KLF7: variants seen among roughly 807,000 people sequenced by gnomAD.
The protein encoded by KLF7 is KLF transcription factor 7.
KLF7 carries 2 observed loss-of-function variants against 27.3 expected under a neutral mutation model. That is an observed-to-expected ratio of 0.07 (90% CI 0.03 to 0.23). The LOEUF (loss-of-function observed/expected upper bound fraction) is 0.23. KLF7 is among the 10% of genes least tolerant of loss of function. KLF7 has a pLI of 1.00. For synonymous variants in KLF7, 165 were observed against 162.4 expected, an observed-to-expected ratio of 1.02 and a Z score of -0.12; for missense variants, 221 against 394.1, an observed-to-expected ratio of 0.56 and a Z score of 3.72.
At chr2:207,095,198 C>T (rs2076600482) in intron 2 of KLF7, among the ~76,000 whole-genome samples, 1 of 151,934 alleles carries the variant, frequency 6.6e-6, no homozygotes, top group Non-Finnish European at 1.5e-5. Flanking sequence ...CAGGCTCCAG[C>T]CACCACGTCC....
chr2:207,159,751 A>C (rs1277652249), intron 1 of KLF7, among the ~76,000 whole-genome samples: 1 of 152,208 alleles, frequency 6.6e-6, no homozygotes, highest in Non-Finnish European at 1.5e-5. Flanking sequence ...CTAGACTCAG[A>C]TCTCAAGGCT....
chr2:207,100,744 T>TC (rs1249999153), intron 2 of KLF7, among the ~76,000 whole-genome samples: 4 of 152,340 alleles, frequency 2.6e-5, no homozygotes, highest in African/African-American at 9.6e-5. Context: ...TGGCCAGTTA[T>TC]TTACTATTTC....
rs1232482014 is a variant in KLF7 at position 207,124,317 on chromosome 2, C to T, written c.190G>A (p.Ala64Thr). ...FGEDLDCFLHASPPPCIEESF... is the reference protein window; with the variant it reads ...FGEDLDCFLHTSPPPCIEESF... ...TCCTCAATGCACGGGGGAGGGGAAG[C>T]GTGGAGGAAACAGTCCAAGTCCTCA... The change falls in exon 2 of 4, where the codon GCT (alanine) becomes ACT (threonine). Residue 64 changes from alanine to threonine, a missense_variant. Physicochemically the swap from Ala to Thr is moderately conservative, Grantham distance 58. Transcript: ENST00000309446. The T allele has an allele frequency of 1.1e-5, 17 of 1,612,442 alleles. No individual in the cohort carries two copies. Among genetic ancestry groups the T allele is most frequent in the Non-Finnish European group, 1.4e-5 (16 of 1,178,844 alleles).
chr2:207,134,153 GA>G, intron 1 of KLF7: 2 of 1,297,534 alleles, frequency 1.5e-6, no homozygotes, highest in Non-Finnish European at 2.0e-6. Context: ...GGGCTACTGG[GA>G]TTTTTTTTTT....
In KLF7 at chr2:207,134,269, AAC is replaced by A. The variant is rs1401740000; in HGVS notation, c.103-9867_103-9866del. 8 of 648,152 alleles carry A rather than the reference AAC, an allele frequency of 1.2e-5. No individual in the cohort carries two copies. In the Admixed American group the frequency reaches 1.6e-4, roughly 13 times the overall value. The allele number at this position is 648,152 out of a possible 1,614,324, so 40.2% of individuals were successfully genotyped here. ...ATACCCTTCCCCTACCCCCATAAAA[AAC>A]ACACAGACACATACGATTACTTCTT... On this transcript the variant is annotated intron_variant, in intron 1 of 3. Transcript: ENST00000309446.
intron 1 of KLF7, among the ~76,000 whole-genome samples, chr2:207,136,249 T>A (rs536534262): frequency 6.6e-6 from 1 of 152,312 alleles, no homozygotes; most frequent in South Asian, 2.1e-4. Flanking sequence ...AATCCTTCAG[T>A]GGCCTGTTGT....
At chr2:207,118,256 T>C (rs189107442) in intron 2 of KLF7, among the ~76,000 whole-genome samples, 174 of 152,302 alleles carry the variant, frequency 1.1e-3, no homozygotes, top group Non-Finnish European at 1.9e-3. Context: ...CATGTCTCTC[T>C]TTAACACTAA....
intron 2 of KLF7, 142 bp from the exon 3 acceptor site, chr2:207,088,723 AC>A: frequency 1.2e-6 from 1 of 847,882 alleles, no homozygotes; most frequent in Non-Finnish European, 1.7e-6. Context: ...AACATAGTAT[AC>A]CACTGTCTTT....
intron 2 of KLF7, among the ~76,000 whole-genome samples, chr2:207,095,338 A>ACGCC (rs1210030293): frequency 6.6e-6 from 1 of 151,886 alleles, no homozygotes; most frequent in Non-Finnish European, 1.5e-5. Flanking sequence ...GTGAGCCACC[A>ACGCC]CGCCCGGCCT....
chr2:207,089,772 C>A (rs557820717), intron 2 of KLF7, among the ~76,000 whole-genome samples: 1 of 152,124 alleles, frequency 6.6e-6, no homozygotes, highest in Non-Finnish European at 1.5e-5. Context: ...TAAATCAATA[C>A]ACATGCATAT....
upstream of KLF7, among the ~76,000 whole-genome samples, chr2:207,168,701 T>G (rs2078763419): frequency 6.6e-6 from 1 of 152,350 alleles, no homozygotes; most frequent in South Asian, 2.1e-4. Context: ...CTCATTATGG[T>G]CTTTGCTCCA....
At chr2:207,140,648 G>A (rs781332754) in intron 1 of KLF7, among the ~76,000 whole-genome samples, 1 of 152,182 alleles carries the variant, frequency 6.6e-6, no homozygotes, top group Non-Finnish European at 1.5e-5. Context: ...CAAACTCTGG[G>A]AAGCAGATCA....
Position 207,104,471 on chromosome 2 carries a change from T to C in KLF7, c.734-15890A>G, listed in dbSNP as rs777943493. Among the ~76,000 whole-genome samples, 38 of 152,354 alleles carry C rather than the reference T, an allele frequency of 2.5e-4. 1 individual carries two copies. The highest frequency in any genetic ancestry group is 4.4e-5 in the Non-Finnish European group (3 of 68,030). On this transcript the variant is annotated intron_variant, in intron 2 of 3. Coordinates refer to ENST00000309446, the MANE Select transcript of KLF7 (RefSeq NM_003709.4). ...AATTCCACCCACCTTCAATGGGTGA[T>C]AGGGTTTTTTAAATCCAAGTAAAAT...
intron 2 of KLF7, among the ~76,000 whole-genome samples, chr2:207,113,736 T>G (rs970400756): frequency 6.6e-6 from 1 of 151,986 alleles, no homozygotes; most frequent in Non-Finnish European, 1.5e-5. Context: ...AATGCTGATG[T>G]GGTTTCCTAG....
intron 1 of KLF7, among the ~76,000 whole-genome samples, chr2:207,157,365 T>C (rs770900981): frequency 1.3e-5 from 2 of 151,974 alleles, no homozygotes; most frequent in East Asian, 1.9e-4. Flanking sequence ...TGGCACCCAT[T>C]TGAAAGTTAA....
At chr2:207,099,286 C>A (rs1012538438) in intron 2 of KLF7, among the ~76,000 whole-genome samples, 7 of 151,768 alleles carry the variant, frequency 4.6e-5, no homozygotes, top group African/African-American at 1.7e-4. Flanking sequence ...AGCCTGAGGG[C>A]AGGTGAGAGG....
chr2:207,092,656 T>A (rs2076538485), intron 2 of KLF7, among the ~76,000 whole-genome samples: 2 of 152,232 alleles, frequency 1.3e-5, no homozygotes, highest in South Asian at 4.1e-4. Context: ...AAATGTGGTC[T>A]AAACCAGTGT....
At chr2:207,120,799 T>C (rs1559138064) in intron 2 of KLF7, 3 of 152,252 alleles carry the variant, frequency 2.0e-5, no homozygotes, top group Non-Finnish European at 4.4e-5. Context: ...ATTTCCTTTA[T>C]ATGTTTGCAC....
chr2:207,169,859 G>A (rs868552901), upstream of KLF7, among the ~76,000 whole-genome samples: 4 of 152,006 alleles, frequency 2.6e-5, no homozygotes, highest in South Asian at 2.1e-4. Flanking sequence ...GTGTGTGTGC[G>A]TGCTAATTAC....
Sources: allele counts gnomAD v4.1 joint callset (sites outside exome capture counted in the v4.1 genomes callset), GRCh38; gene constraint gnomAD v4.1.1; transcripts MANE v1.5; gene names NCBI Gene and HGNC (gene_info 2026-07-23, HGNC 2026-07-21).